CFAP58: variants seen among roughly 807,000 people sequenced by gnomAD.
CFAP58 encodes cilia- and flagella-associated protein 58.
A neutral mutation model predicts 119.5 loss-of-function variants in CFAP58; 88 were observed. The ratio of observed to expected loss-of-function variants is 0.74; its 90% CI spans 0.62 to 0.88. The LOEUF is 0.88. Ranked by LOEUF, CFAP58 falls within the 40% of genes least tolerant of loss-of-function variation. The probability of loss-of-function intolerance (pLI) is 0.00; values close to 1 mark genes in which losing one functional copy is unlikely to be tolerated. For synonymous variants in CFAP58, 365 were observed against 366.3 expected (o/e 1.00, Z 0.04); for missense variants, 990 against 1,021.2 (o/e 0.97, Z 0.42).
the CFAP58 span, among the ~76,000 whole-genome samples, chr10:104,342,222 G>A: frequency 6.6e-5 from 10 of 152,260 alleles, no homozygotes; most frequent in African/African-American, 2.4e-4. Context: ...ATTTCCCATA[G>A]TATGATGATT....
At chr10:104,345,771 TA>T in the CFAP58 span, among the ~76,000 whole-genome samples, 1 of 152,000 alleles carries the variant, frequency 6.6e-6, no homozygotes, top group Non-Finnish European at 1.5e-5. Context: ...ACTGGACAAA[TA>T]AGGAGTCATT....
At chr10:104,428,496 C>A (rs2012788356) in intron 15 of CFAP58, among the ~76,000 whole-genome samples, 1 of 152,200 alleles carries the variant, frequency 6.6e-6, no homozygotes, top group Admixed American at 6.5e-5. Flanking sequence ...ATAAGCCATG[C>A]AAGACCTCTG....
chr10:104,406,231 T>G (rs182831622), intron 14 of CFAP58, among the ~76,000 whole-genome samples: 145 of 152,344 alleles, frequency 9.5e-4, no homozygotes, highest in Non-Finnish European at 1.1e-3. Context: ...CTCTGAGCCT[T>G]GCCAGTCTGG....
In CFAP58 at chr10:104,454,506, C is replaced by T; in HGVS notation, c.2595C>T (p.Leu865=). 1 of 1,613,690 alleles carries T rather than the reference C, an allele frequency of 6.2e-7. No homozygotes were observed. Among genetic ancestry groups the T allele is most frequent in the Non-Finnish European group, 8.5e-7 (1 of 1,179,690 alleles). Residue 865 remains leucine (L), a synonymous_variant, in exon 18 of 18, where the codon CTC becomes CTT. Coordinates refer to ENST00000369704, the MANE Select transcript of CFAP58 (RefSeq NM_001008723.2). Reference sequence around the variant, plus strand: ...GTTTTACTGGGGGCGGATTTCCTCTCAGGTCAACCAAAATGACGTTCTAAC... The same window carrying T: ...GTTTTACTGGGGGCGGATTTCCTCTTAGGTCAACCAAAATGACGTTCTAAC... ...GPGFTGGGFP[L]RSTKMTF
chr10:104,454,327 T>C, intron 17 of CFAP58, 95 bp from the exon 18 acceptor site: 2 of 913,162 alleles, frequency 2.2e-6, no homozygotes, highest in Admixed American at 4.1e-5. Flanking sequence ...GTAATCAAAG[T>C]AGTTTTCAGT....
chr10:104,351,051 A>G (rs1009372370), upstream of CFAP58, among the ~76,000 whole-genome samples: 7 of 152,278 alleles, frequency 4.6e-5, no homozygotes, highest in Admixed American at 2.6e-4. Context: ...GATCATGGCA[A>G]TCCTACAAAC....
At chr10:104,381,658 G>A (rs575271751) in intron 9 of CFAP58, among the ~76,000 whole-genome samples, 2 of 152,004 alleles carry the variant, frequency 1.3e-5, no homozygotes, top group South Asian at 4.2e-4. Context: ...AAGGTGACAA[G>A]GGACAGCCAA....
chr10:104,440,588 T>G (rs148374024), intron 15 of CFAP58, among the ~76,000 whole-genome samples: 28 of 152,300 alleles, frequency 1.8e-4, no homozygotes, highest in South Asian at 4.1e-4. Flanking sequence ...AATGAGGAGT[T>G]ATGTCTGTTA....
chr10:104,340,294 A>T, the CFAP58 span, among the ~76,000 whole-genome samples: 5 of 152,088 alleles, frequency 3.3e-5, no homozygotes, highest in African/African-American at 4.8e-5. Flanking sequence ...ATGCTCTTTG[A>T]TATGCTGTTT....
intron 9 of CFAP58, among the ~76,000 whole-genome samples, chr10:104,381,668 A>G (rs2011806335): frequency 6.6e-6 from 1 of 152,116 alleles, no homozygotes; most frequent in African/African-American, 2.4e-5. Flanking sequence ...GGGACAGCCA[A>G]TATTTGTATT....
intron 1 of CFAP58, among the ~76,000 whole-genome samples, chr10:104,355,282 A>G (rs1304571175): frequency 6.6e-6 from 1 of 152,038 alleles, no homozygotes; most frequent in Non-Finnish European, 1.5e-5. Flanking sequence ...CATTCCCCAT[A>G]GGGAAGCCCC....
intron 12 of CFAP58, 67 bp downstream of exon 12, chr10:104,399,567 G>A (rs1020924296): frequency 3.3e-6 from 5 of 1,527,602 alleles, no homozygotes; most frequent in Admixed American, 1.9e-5. Context: ...TCCACCCTTC[G>A]AAACTTCCTT....
At chr10:104,452,549 A>G (rs984473970) in intron 17 of CFAP58, among the ~76,000 whole-genome samples, 10 of 152,228 alleles carry the variant, frequency 6.6e-5, no homozygotes, top group African/African-American at 2.4e-4. Context: ...TTTGATGGAC[A>G]CAGAGAGCAT....
At chr10:104,440,822 G>A (rs528389578) in intron 15 of CFAP58, among the ~76,000 whole-genome samples, 2 of 152,172 alleles carry the variant, frequency 1.3e-5, no homozygotes, top group African/African-American at 4.8e-5. Flanking sequence ...CCACCAAGAT[G>A]CATCTGAAAT....
At chr10:104,401,916 A>G (rs985075254) in intron 13 of CFAP58, among the ~76,000 whole-genome samples, 3 of 152,216 alleles carry the variant, frequency 2.0e-5, no homozygotes, top group African/African-American at 7.2e-5. Flanking sequence ...CATTTTGGAG[A>G]CAAATGGATT....
In CFAP58 at chr10:104,450,735, G is replaced by A. The variant is rs532748080; in HGVS notation, c.2510+531G>A. ...TTTTTGATTTTTTTTTGTAGCAACA[G>A]GGTCTTGGTATGTTGCCCAGGCTGG... On this transcript the variant is annotated intron_variant, in intron 17 of 17. Coordinates refer to ENST00000369704, the MANE Select transcript of CFAP58 (RefSeq NM_001008723.2). Among the ~76,000 whole-genome samples the A allele has an allele frequency of 1.2e-3, 174 of 147,844 alleles. 1 individual carries two copies. Among genetic ancestry groups the A allele is most frequent in the African/African-American group, 4.0e-3 (160 of 39,648 alleles).
chr10:104,365,434 T>C (rs1169063537), intron 4 of CFAP58, among the ~76,000 whole-genome samples: 1 of 152,200 alleles, frequency 6.6e-6, no homozygotes, highest in East Asian at 1.9e-4. Flanking sequence ...TCCAGGGTCA[T>C]GTAAAACACA....
At chr10:104,349,695 T>C (rs2014437648), upstream of CFAP58, among the ~76,000 whole-genome samples, 2 of 152,154 alleles carry the variant, frequency 1.3e-5, no homozygotes, top group Non-Finnish European at 2.9e-5. Context: ...AACACAGGTA[T>C]TAAGCAACTA....
intron 5 of CFAP58, among the ~76,000 whole-genome samples, chr10:104,366,849 T>G (rs1026874842): frequency 6.6e-6 from 1 of 151,932 alleles, no homozygotes. Flanking sequence ...ACAGTTTTAT[T>G]TTTATTTATT....
Sources: gnomAD v4.1 joint callset for allele counts (sites outside exome capture counted in the v4.1 genomes callset) on GRCh38, gnomAD v4.1.1 for gene constraint, MANE v1.5 for transcripts, NCBI Gene and HGNC (gene_info 2026-07-23, HGNC 2026-07-21) for gene names.